MORC1: variants seen among roughly 807,000 people sequenced by gnomAD.
MORC1 encodes MORC family CW-type zinc finger protein 1.
In MORC1, 59 loss-of-function variants were observed where a neutral mutation model predicts 134.9. The ratio of observed to expected loss-of-function variants is 0.44; its 90% CI spans 0.35 to 0.54. The LOEUF is 0.54. Ranked by LOEUF, MORC1 falls within the 20% of genes least tolerant of loss-of-function variation. MORC1 has a pLI of 0.00. For synonymous variants in MORC1, 395 were observed against 391.7 expected, an observed-to-expected ratio of 1.01 and a Z score of -0.10; for missense variants, 947 against 1,134.5, an observed-to-expected ratio of 0.83 and a Z score of 2.37.
intron 3 of MORC1, among the ~76,000 whole-genome samples, chr3:109,104,941 A>G (rs1359221201): frequency 6.6e-6 from 1 of 151,932 alleles, no homozygotes; most frequent in Non-Finnish European, 1.5e-5. Context: ...CCACACCTCA[A>G]ATGTTTCCTC....
chr3:109,006,978 C>A, intron 18 of MORC1, 51 bp downstream of exon 18: 1 of 1,486,362 alleles, frequency 6.7e-7, no homozygotes, highest in South Asian at 1.2e-5. Context: ...GCTTCTCCTT[C>A]ACATGGTTAA....
intron 8 of MORC1, among the ~76,000 whole-genome samples, chr3:109,079,368 C>T (rs1306356624): frequency 1.3e-5 from 2 of 151,994 alleles, no homozygotes; most frequent in Non-Finnish European, 2.9e-5. Context: ...AAAACTAAAT[C>T]ACTTCAACAG....
intron 26 of MORC1, among the ~76,000 whole-genome samples, chr3:108,966,718 A>G (rs949376092): frequency 3.9e-5 from 6 of 152,184 alleles, no homozygotes; most frequent in African/African-American, 1.4e-4. Context: ...AATATTGACC[A>G]AGCTCAATGG....
chr3:109,004,474 T>G (rs901694079), intron 20 of MORC1, among the ~76,000 whole-genome samples: 1 of 152,134 alleles, frequency 6.6e-6, no homozygotes, highest in Non-Finnish European at 1.5e-5. Flanking sequence ...TTGTAGGCAT[T>G]AATATTGTTA....
intron 8 of MORC1, among the ~76,000 whole-genome samples, chr3:109,087,555 A>G (rs754180456): frequency 4.6e-5 from 7 of 152,150 alleles, no homozygotes; most frequent in Non-Finnish European, 8.8e-5. Context: ...ATTACAAAAC[A>G]CTGCTCAAAT....
At chr3:109,037,072 A>G (rs756006655) in intron 14 of MORC1, among the ~76,000 whole-genome samples, 7 of 152,162 alleles carry the variant, frequency 4.6e-5, no homozygotes, top group Admixed American at 2.0e-4. Context: ...TTCACATTGC[A>G]TTCTTACAAT....
intron 14 of MORC1, among the ~76,000 whole-genome samples, chr3:109,042,622 C>A (rs555169508): frequency 6.6e-6 from 1 of 152,142 alleles, no homozygotes; most frequent in Non-Finnish European, 1.5e-5. Context: ...AAAGAGATAC[C>A]TGCACACCCA....
chr3:109,004,554 T>C (rs1226627966), intron 20 of MORC1, among the ~76,000 whole-genome samples: 1 of 152,116 alleles, frequency 6.6e-6, no homozygotes, highest in African/African-American at 2.4e-5. Context: ...AGAATAAATG[T>C]GTTGTGATTC....
intron 18 of MORC1, among the ~76,000 whole-genome samples, chr3:109,006,566 T>C (rs1009667750): frequency 2.0e-5 from 3 of 152,192 alleles, no homozygotes; most frequent in Admixed American, 6.5e-5. Context: ...CTGATATAAC[T>C]GAGAAGCTCT....
chr3:109,000,727 T>A (rs1006200546), intron 20 of MORC1, 69 bp from the exon 21 acceptor site: 2 of 1,127,386 alleles, frequency 1.8e-6, no homozygotes, highest in Non-Finnish European at 2.6e-6. Flanking sequence ...TAAACTACCT[T>A]CACTCTTCAT....
chr3:108,963,654 C>T (rs1301513262), intron 26 of MORC1, 46 bp from the exon 27 acceptor site: 1 of 1,265,500 alleles, frequency 7.9e-7, no homozygotes, highest in East Asian at 2.4e-5. Flanking sequence ...TAAAATATTA[C>T]TTTCCCTCTA....
In MORC1 at chr3:109,107,055, T is replaced by A. The variant is rs1440769765; in HGVS notation, c.155-3138A>T. On this transcript the variant is annotated intron_variant, in intron 3 of 27. Coordinates refer to ENST00000232603, the MANE Select transcript of MORC1 (RefSeq NM_014429.4). Reference sequence around the variant, plus strand: ...ACAAACACTCCCCTTGAACAAATCTTAAACATCTCAAACATTTTTTCTACA... The same window carrying A: ...ACAAACACTCCCCTTGAACAAATCTAAAACATCTCAAACATTTTTTCTACA... Among the ~76,000 whole-genome samples the A allele has an allele frequency of 6.6e-5, 10 of 152,298 alleles. No homozygotes were observed. In the East Asian group the frequency reaches 1.9e-3, roughly 29 times the overall value.
intron 2 of MORC1, 141 bp from the exon 3 acceptor site, chr3:109,110,924 A>G (rs1365187104): frequency 3.6e-6 from 2 of 553,990 alleles, no homozygotes; most frequent in Non-Finnish European, 6.3e-6. Context: ...TCACCGTGCT[A>G]TTATATCATA....
At chr3:108,972,494 C>A (rs1268261610) in intron 24 of MORC1, among the ~76,000 whole-genome samples, 1 of 152,240 alleles carries the variant, frequency 6.6e-6, no homozygotes, top group Non-Finnish European at 1.5e-5. Context: ...GCTGAAAATT[C>A]TTGGCATTGC....
chr3:109,010,616 T>C (rs1948659953), intron 17 of MORC1, among the ~76,000 whole-genome samples: 1 of 152,120 alleles, frequency 6.6e-6, no homozygotes. Flanking sequence ...ATCAAGATAA[T>C]TAACATACTG....
chr3:108,961,129 A>G (rs1234940130), intron 27 of MORC1, among the ~76,000 whole-genome samples: 1 of 152,110 alleles, frequency 6.6e-6, no homozygotes, highest in African/African-American at 2.4e-5. Flanking sequence ...ACGAACAGAT[A>G]AGAGGATTTT....
chr3:109,017,715 G>T (rs1948849347), intron 17 of MORC1, among the ~76,000 whole-genome samples: 1 of 152,098 alleles, frequency 6.6e-6, no homozygotes, highest in Non-Finnish European at 1.5e-5. Context: ...CAAAATCTGA[G>T]TTACTTAATG....
At chr3:109,094,839 G>A in intron 7 of MORC1, 70 bp downstream of exon 7, 1 of 1,376,412 alleles carries the variant, frequency 7.3e-7, no homozygotes, top group Non-Finnish European at 9.7e-7. Context: ...GAAAACATAT[G>A]TACAGTGTCT....
intron 14 of MORC1, among the ~76,000 whole-genome samples, chr3:109,036,737 T>C (rs1394203684): frequency 6.6e-6 from 1 of 152,140 alleles, no homozygotes; most frequent in Non-Finnish European, 1.5e-5. Flanking sequence ...GTCTTCACAG[T>C]TGGGCTGGGC....
Sources: allele counts gnomAD v4.1 joint callset (sites outside exome capture counted in the v4.1 genomes callset), GRCh38; gene constraint gnomAD v4.1.1; transcripts MANE v1.5; gene names NCBI Gene and HGNC (gene_info 2026-07-23, HGNC 2026-07-21).